The following DIAPH3 variants were observed in gnomAD, a reference collection of about 807,000 sequenced individuals.
DIAPH3 encodes the protein diaphanous related formin 3, also known as protein diaphanous homolog 3.
DIAPH3 carries 117 observed loss-of-function variants against 144.3 expected under a neutral mutation model. The ratio of observed to expected loss-of-function variants is 0.81; its 90% CI spans 0.70 to 0.95. The LOEUF is 0.95. DIAPH3 is among the 40% of genes least tolerant of loss of function. The pLI is 0.00. For synonymous variants in DIAPH3, 519 were observed against 488.9 expected, an observed-to-expected ratio of 1.06 and a Z score of -0.81; for missense variants, 1,421 against 1,412.7, an observed-to-expected ratio of 1.01 and a Z score of -0.09.
intron 18 of DIAPH3, among the ~76,000 whole-genome samples, chr13:59,924,475 TAA>T (rs1462793356): frequency 7.2e-6 from 1 of 139,056 alleles, no homozygotes; most frequent in South Asian, 2.3e-4. Context: ...CTAAATTCCT[TAA>T]GTCTTTATTT....
intron 27 of DIAPH3, among the ~76,000 whole-genome samples, chr13:59,724,401 A>G (rs1048860826): frequency 4.6e-5 from 7 of 152,318 alleles, no homozygotes; most frequent in African/African-American, 1.7e-4. Flanking sequence ...TGAGCTCAGT[A>G]TGGGTAATCC....
At chr13:59,903,702 T>C (rs1007819850) in intron 20 of DIAPH3, among the ~76,000 whole-genome samples, 1 of 152,092 alleles carries the variant, frequency 6.6e-6, no homozygotes, top group Non-Finnish European at 1.5e-5. Flanking sequence ...AGAGAAATCA[T>C]CTACAGATTC....
chr13:59,877,509 G>A (rs981950823), intron 21 of DIAPH3, among the ~76,000 whole-genome samples: 2 of 152,112 alleles, frequency 1.3e-5, no homozygotes, highest in Non-Finnish European at 2.9e-5. Context: ...CTTGGCATGT[G>A]GCGAGTGTGA....
At chr13:59,873,791 C>A (rs184802451) in intron 21 of DIAPH3, among the ~76,000 whole-genome samples, 1 of 151,190 alleles carries the variant, frequency 6.6e-6, no homozygotes, top group Non-Finnish European at 1.5e-5. Context: ...CTCAGCCTCA[C>A]GAATAGAGTA....
chr13:59,679,151 C>A (rs2032799832), intron 27 of DIAPH3, among the ~76,000 whole-genome samples: 1 of 152,134 alleles, frequency 6.6e-6, no homozygotes, highest in Non-Finnish European at 1.5e-5. Flanking sequence ...GAAGCTGCTC[C>A]CTTTTAATGA....
intron 25 of DIAPH3, among the ~76,000 whole-genome samples, chr13:59,795,742 T>C (rs1440246050): frequency 6.6e-6 from 1 of 152,108 alleles, no homozygotes; most frequent in Non-Finnish European, 1.5e-5. Context: ...CGTGAAACAC[T>C]GCGCCTGGCC....
chr13:60,033,710 A>G (rs1261366850), intron 5 of DIAPH3, among the ~76,000 whole-genome samples: 1 of 152,218 alleles, frequency 6.6e-6, no homozygotes, highest in East Asian at 1.9e-4. Context: ...GGGGATTACA[A>G]TTCAACAGGA....
At chr13:60,025,815 T>C (rs1401112320) in intron 5 of DIAPH3, among the ~76,000 whole-genome samples, 4 of 151,984 alleles carry the variant, frequency 2.6e-5, no homozygotes, top group African/African-American at 7.2e-5. Flanking sequence ...AGGACTGAGA[T>C]GAGGACAATT....
intron 4 of DIAPH3, among the ~76,000 whole-genome samples, chr13:60,079,396 T>C (rs2057473456): frequency 6.6e-6 from 1 of 152,054 alleles, no homozygotes; most frequent in Admixed American, 6.6e-5. Context: ...AACTGTTCTG[T>C]GTTCATTAAT....
chr13:59,822,002 C>G (rs189331541), intron 24 of DIAPH3, among the ~76,000 whole-genome samples: 1 of 152,252 alleles, frequency 6.6e-6, no homozygotes, highest in Non-Finnish European at 1.5e-5. Flanking sequence ...TCAGGTAAAA[C>G]AACAAATTAC....
intron 1 of DIAPH3, among the ~76,000 whole-genome samples, chr13:60,157,340 G>A (rs780411581): frequency 1.3e-5 from 2 of 152,162 alleles, no homozygotes; most frequent in African/African-American, 4.8e-5. Flanking sequence ...GGCAAAATAA[G>A]CATCACATCC....
chr13:59,915,463 C>T (rs2047179785), intron 19 of DIAPH3, among the ~76,000 whole-genome samples: 1 of 151,892 alleles, frequency 6.6e-6, no homozygotes, highest in South Asian at 2.1e-4. Context: ...AATCATTTTC[C>T]TAAATATATC....
intron 1 of DIAPH3, among the ~76,000 whole-genome samples, chr13:60,149,857 T>C (rs1174777539): frequency 6.6e-6 from 1 of 151,982 alleles, no homozygotes; most frequent in African/African-American, 2.4e-5. Context: ...TTTACTTCTC[T>C]GATACTTTCT....
At chr13:59,924,913 T>G in intron 17 of DIAPH3, 43 bp from the exon 18 acceptor site, 1 of 1,575,750 alleles carries the variant, frequency 6.3e-7, no homozygotes, top group Non-Finnish European at 8.7e-7. Flanking sequence ...AGCAATTCAT[T>G]CAAATACAAA....
chr13:60,050,313 C>T (rs1258418919), intron 4 of DIAPH3, among the ~76,000 whole-genome samples: 3 of 152,066 alleles, frequency 2.0e-5, no homozygotes, highest in Admixed American at 6.6e-5. Context: ...AAATACAAAG[C>T]CTTGTGGCAG....
intron 25 of DIAPH3, among the ~76,000 whole-genome samples, chr13:59,805,790 G>A (rs1180548113): frequency 6.6e-6 from 1 of 151,992 alleles, no homozygotes; most frequent in East Asian, 1.9e-4. Flanking sequence ...GATTTTTAAT[G>A]CTTCATTTTT....
At chr13:59,723,762 C>T (rs1301851954) in intron 27 of DIAPH3, among the ~76,000 whole-genome samples, 1 of 151,592 alleles carries the variant, frequency 6.6e-6, no homozygotes, top group African/African-American at 2.4e-5. Context: ...AGGTGTGTGC[C>T]ACCGCACCCA....
chr13:60,073,689 T>C (rs1370495504), intron 4 of DIAPH3, among the ~76,000 whole-genome samples: 1 of 152,220 alleles, frequency 6.6e-6, no homozygotes, highest in East Asian at 1.9e-4. Context: ...TATTTGACAA[T>C]GATCACAAAC....
chr13:60,112,094 G>A lies in DIAPH3; in HGVS notation c.306C>T (p.Cys102=). 1.9e-6 allele frequency: 3 copies of A among 1,614,086 alleles called. No individual in the cohort carries two copies. Among genetic ancestry groups the A allele is most frequent in the Non-Finnish European group, 2.5e-6 (3 of 1,179,950 alleles). Reference sequence around the variant, plus strand: ...CCATCATCTCTAAAGGTGCTGCTGAGCAATCACTGCTTGCAAATGCAGTCT... The same window carrying A: ...CCATCATCTCTAAAGGTGCTGCTGAACAATCACTGCTTGCAAATGCAGTCT... ...NLKTAFASSD[C]SAAPLEMMEN... The change falls in exon 3 of 28, where the codon TGC becomes TGT. Residue 102 remains cysteine (C), a synonymous_variant. Transcript: ENST00000400324.
Sources: gnomAD v4.1 joint callset for allele counts (sites outside exome capture counted in the v4.1 genomes callset) on GRCh38, gnomAD v4.1.1 for gene constraint, MANE v1.5 for transcripts, NCBI Gene and HGNC (gene_info 2026-07-23, HGNC 2026-07-21) for gene names.